HSD17B13: variants seen among roughly 807,000 people sequenced by gnomAD.
The protein encoded by HSD17B13 is hydroxysteroid 17-beta dehydrogenase 13.
Under a neutral mutation model 31.1 loss-of-function variants are expected in HSD17B13, and 26 were observed. The ratio of observed to expected loss-of-function variants is 0.84; its 90% CI spans 0.61 to 1.16. The LOEUF is 1.16. Ranked by LOEUF, HSD17B13 falls within the 50% of genes most tolerant of loss-of-function variation. The probability of loss-of-function intolerance (pLI) is 0.00; values close to 1 mark genes in which losing one functional copy is unlikely to be tolerated. For missense variants in HSD17B13, 374 were observed against 366.5 expected, an observed-to-expected ratio of 1.02 and a Z score of -0.17; for synonymous variants, 141 against 133.7, an observed-to-expected ratio of 1.05 and a Z score of -0.38.
At chr4:87,315,667 T>C in intron 3 of HSD17B13, 68 bp from the exon 4 acceptor site, 1 of 942,810 alleles carries the variant, frequency 1.1e-6, no homozygotes, top group Non-Finnish European at 1.6e-6. Context: ...CAGGTAGTTT[T>C]ATTTTTGTTA....
intron 1 of HSD17B13, among the ~76,000 whole-genome samples, chr4:87,320,548 G>C (rs994373281): frequency 9.2e-5 from 14 of 151,864 alleles, no homozygotes; most frequent in African/African-American, 3.4e-4. Flanking sequence ...CACTACGCCT[G>C]GCTAATTTTT....
intron 2 of HSD17B13, among the ~76,000 whole-genome samples, chr4:87,317,532 T>A (rs778741504): frequency 3.4e-5 from 5 of 147,106 alleles, no homozygotes; most frequent in Non-Finnish European, 6.0e-5. Flanking sequence ...TTTTAAAGTG[T>A]TCATTTTTTA....
chr4:87,316,483 G>T (rs1461549880), intron 3 of HSD17B13, among the ~76,000 whole-genome samples: 1 of 151,940 alleles, frequency 6.6e-6, no homozygotes, highest in African/African-American at 2.4e-5. Context: ...CTAATATTGA[G>T]GCACTGGAAG....
intron 1 of HSD17B13, among the ~76,000 whole-genome samples, 180 bp downstream of exon 1, chr4:87,322,452 T>G (rs1299150400): frequency 6.6e-6 from 1 of 152,228 alleles, no homozygotes; most frequent in Non-Finnish European, 1.5e-5. Flanking sequence ...AATCGCTGCT[T>G]AGTTCTTAAT....
intron 3 of HSD17B13, among the ~76,000 whole-genome samples, chr4:87,315,820 C>A (rs781170433): frequency 6.6e-6 from 1 of 152,130 alleles, no homozygotes; most frequent in Non-Finnish European, 1.5e-5. Context: ...TCTCAGTACT[C>A]CCCCTCCTTC....
chr4:87,312,586 G>A (rs1169173886), intron 5 of HSD17B13, among the ~76,000 whole-genome samples: 2 of 136,254 alleles, frequency 1.5e-5, no homozygotes, highest in African/African-American at 5.5e-5. Flanking sequence ...CTGGAGTGCA[G>A]TGGCGCGATC....
At chr4:87,313,532 G>A (rs925461169) in intron 5 of HSD17B13, among the ~76,000 whole-genome samples, 2 of 151,952 alleles carry the variant, frequency 1.3e-5, no homozygotes, top group Admixed American at 1.3e-4. Flanking sequence ...TTTATTTGCT[G>A]GTCCTTGGAA....
intron 1 of HSD17B13, among the ~76,000 whole-genome samples, chr4:87,320,437 A>T (rs1734758131): frequency 8.2e-6 from 1 of 121,692 alleles, no homozygotes; most frequent in Admixed American, 1.2e-4. Context: ...CCCAGGCTGG[A>T]GTGCAGTGGC....
intron 4 of HSD17B13, 118 bp from the exon 5 acceptor site, chr4:87,314,078 T>C (rs949149245): frequency 2.9e-6 from 2 of 697,124 alleles, no homozygotes; most frequent in South Asian, 3.4e-5. Flanking sequence ...ATCAGCCACT[T>C]GTGATTTTTC....
At position 87,313,922 on chromosome 4, in the gene HSD17B13, A is replaced by G. The variant is rs768927517; in HGVS notation, c.596T>C (p.Leu199Pro). The G allele has an allele frequency of 6.2e-7, 1 of 1,603,072 alleles. No individual in the cohort carries two copies. Among genetic ancestry groups the G allele is most frequent in the Non-Finnish European group, 8.5e-7 (1 of 1,176,112 alleles). The part of the protein sequence containing the change: ...KFAAVGFHRG[L>P]TSELQALGKT... Reference sequence around the variant, plus strand: ...TCCCAAGGCCTGAAGTTCTGATGTCAGACCTCTGTGAAAGCCAACAGCGGC... The same window carrying G: ...TCCCAAGGCCTGAAGTTCTGATGTCGGACCTCTGTGAAAGCCAACAGCGGC... The change falls in exon 5 of 7, where the codon CTG becomes CCG. Residue 199 changes from leucine to proline, a missense_variant. Physicochemically the swap from Leu to Pro is moderately conservative, Grantham distance 98. Transcript: ENST00000328546.
Position 87,305,135 on chromosome 4 carries a change from A to C in HSD17B13, c.*83T>G. ...TTTTTAATATTATCAGGACTGAAAA[A>C]ATGTGAAATAAAGCTTTGCAGCATT... On this transcript the variant is annotated 3_prime_UTR_variant, in exon 7 of 7. Transcript: ENST00000328546. 1.2e-6 allele frequency: 1 copy of C among 836,352 alleles called. No individual in the cohort carries two copies. The highest frequency in any genetic ancestry group is 1.8e-6 in the Non-Finnish European group (1 of 562,916). The allele number at this position is 836,352 out of a possible 1,614,324, so 51.8% of individuals were successfully genotyped here. A position where few individuals can be genotyped will look rare whatever the true frequency, so the allele number is the denominator to read the frequency against.
At chr4:87,314,554 C>T (rs1039077661) in intron 4 of HSD17B13, among the ~76,000 whole-genome samples, 1 of 152,054 alleles carries the variant, frequency 6.6e-6, no homozygotes, top group African/African-American at 2.4e-5. Flanking sequence ...CCTCTCACCT[C>T]CTTCCCTTTA....
chr4:87,310,886 T>A (rs1734517181), intron 5 of HSD17B13, among the ~76,000 whole-genome samples: 1 of 152,176 alleles, frequency 6.6e-6, no homozygotes, highest in African/African-American at 2.4e-5. Context: ...CTGGGCTGCA[T>A]TCCCAGGAAG....
intron 6 of HSD17B13, among the ~76,000 whole-genome samples, chr4:87,308,497 A>T (rs868223253): frequency 2.2e-3 from 164 of 73,488 alleles, no homozygotes; most frequent in African/African-American, 0.013. Context: ...AAAAAAAAAA[A>T]AAAAAAAAAA....
Position 87,322,773 on chromosome 4 carries a change from C to T in HSD17B13, c.69G>A (p.Val23=), listed in dbSNP as rs1237316384. 1 of 1,614,162 alleles carries T rather than the reference C, an allele frequency of 6.2e-7. No individual in the cohort carries two copies. Among genetic ancestry groups the T allele is most frequent in the East Asian group, 2.2e-5 (1 of 44,884 alleles). ...TIIYSYLESL[V]KFFIPQRRKS... ...TTCTCCTCTGAGGAATGAAAAACTT[C>T]ACCAACGACTCCAAGTAGGAGTAGA... The change falls in exon 1 of 7, where the codon GTG becomes GTA. Residue 23 remains valine, a synonymous_variant. Coordinates refer to ENST00000328546, the MANE Select transcript of HSD17B13 (RefSeq NM_178135.5).
intron 3 of HSD17B13, 144 bp from the exon 4 acceptor site, chr4:87,315,743 A>G (rs1560749453): frequency 1.9e-6 from 1 of 527,028 alleles, no homozygotes. Context: ...TCCATGATTA[A>G]TTCTTTACAA....
chr4:87,315,299 C>G (rs1227700528), intron 4 of HSD17B13, among the ~76,000 whole-genome samples, 194 bp downstream of exon 4: 2 of 152,182 alleles, frequency 1.3e-5, no homozygotes, highest in African/African-American at 4.8e-5. Context: ...CCACTCCCAC[C>G]CTGTAAAGCG....
At position 87,318,413 on chromosome 4, in the gene HSD17B13, A is replaced by G; in HGVS notation, c.234T>C (p.Ala78=). The G allele has an allele frequency of 6.2e-7, 1 of 1,614,190 alleles. No individual in the cohort carries two copies. ...CAGTGACGCCTAGTTTTCGGCACTCAGCTGCAGTTTCCTCCACACCGCGCT... is the reference window on the plus strand; with the variant it reads ...CAGTGACGCCTAGTTTTCGGCACTCGGCTGCAGTTTCCTCCACACCGCGCT... ...INKRGVEETA[A]ECRKLGVTAH... Residue 78 remains alanine, a synonymous_variant, in exon 2 of 7, where the codon GCT becomes GCC. Transcript: ENST00000328546.
intron 6 of HSD17B13, among the ~76,000 whole-genome samples, chr4:87,306,900 C>A: frequency 2.5e-5 from 2 of 79,230 alleles, no homozygotes; most frequent in Admixed American, 1.8e-4. Context: ...GAGTGAGACC[C>A]AATCTAAAAA....
Sources: allele counts gnomAD v4.1 joint callset (sites outside exome capture counted in the v4.1 genomes callset), GRCh38; gene constraint gnomAD v4.1.1; transcripts MANE v1.5; gene names NCBI Gene and HGNC (gene_info 2026-07-23, HGNC 2026-07-21).